Variants in CTSH observed in about 807,000 individuals in gnomAD.
CTSH encodes cathepsin H.
CTSH carries 52 observed loss-of-function variants against 56.3 expected under a neutral mutation model. The ratio of observed to expected loss-of-function variants is 0.92; its 90% confidence interval spans 0.74 to 1.16. The LOEUF is 1.16. CTSH is among the 50% of genes most tolerant of loss of function. The pLI is 0.00. For synonymous variants in CTSH, 174 were observed against 155.7 expected (o/e 1.12, Z -0.88); for missense variants, 406 against 424.5 (o/e 0.96, Z 0.38).
At chr15:78,937,831 C>T in intron 2 of CTSH, 1 of 1,285,146 alleles carries the variant, frequency 7.8e-7, no homozygotes, top group Non-Finnish European at 1.0e-6. Context: ...TTTCTAAAAA[C>T]AAATGTGTAT....
chr15:78,924,988 G>A (rs567002568), intron 10 of CTSH, among the ~76,000 whole-genome samples: 5 of 151,098 alleles, frequency 3.3e-5, no homozygotes, highest in South Asian at 2.1e-4. Flanking sequence ...GAGCCACCAC[G>A]CCTGGCCTGA....
At chr15:78,923,745 T>C (rs778847277) in intron 10 of CTSH, among the ~76,000 whole-genome samples, 41 of 152,344 alleles carry the variant, frequency 2.7e-4, no homozygotes, top group Non-Finnish European at 5.3e-4. Flanking sequence ...TGGCAGACTT[T>C]AACACAGCTT....
chr15:78,924,024 C>G (rs958179582), intron 10 of CTSH, among the ~76,000 whole-genome samples: 1 of 147,008 alleles, frequency 6.8e-6, no homozygotes, highest in Non-Finnish European at 1.5e-5. Flanking sequence ...GGCTGCTTCT[C>G]TACAGTGGCC....
intron 8 of CTSH, among the ~76,000 whole-genome samples, chr15:78,928,910 G>A (rs2054982662): frequency 6.6e-6 from 1 of 152,158 alleles, no homozygotes; most frequent in Non-Finnish European, 1.5e-5. Flanking sequence ...TCATCACCAC[G>A]AGGGGAAATA....
chr15:78,937,773 C>T (rs1483714359), intron 2 of CTSH: 1 of 1,308,868 alleles, frequency 7.6e-7, no homozygotes, highest in Admixed American at 2.3e-5. Context: ...AGCACATGCA[C>T]TGGTGTTCCC....
chr15:78,936,126 C>G (rs1464824503), intron 3 of CTSH, among the ~76,000 whole-genome samples: 1 of 151,376 alleles, frequency 6.6e-6, no homozygotes, highest in East Asian at 1.9e-4. Context: ...CTAATTTGGT[C>G]TCTACACAGC....
intron 7 of CTSH, among the ~76,000 whole-genome samples, chr15:78,931,036 C>T (rs932313540): frequency 5.9e-5 from 9 of 152,278 alleles, no homozygotes; most frequent in Admixed American, 2.0e-4. Flanking sequence ...CCTCACAGGG[C>T]GCAATGAGCT....
chr15:78,927,567 GACTGAGA>G, intron 9 of CTSH, 139 bp downstream of exon 9: 1 of 692,694 alleles, frequency 1.4e-6, no homozygotes, highest in Non-Finnish European at 2.5e-6. Context: ...CCATCACAGC[GACTGAGA>G]CCCAGGGATA....
intron 10 of CTSH, among the ~76,000 whole-genome samples, chr15:78,923,785 T>C (rs1482815902): frequency 6.6e-6 from 1 of 152,222 alleles, no homozygotes; most frequent in African/African-American, 2.4e-5. Flanking sequence ...TTATTAAATA[T>C]TACTTTATAC....
At chr15:78,925,706 C>T (rs549150691) in intron 9 of CTSH, 1 of 376,240 alleles carries the variant, frequency 2.7e-6, no homozygotes, top group Non-Finnish European at 5.1e-6. Context: ...CTCATTCAGT[C>T]ATTCACATCC....
intron 9 of CTSH, 39 bp from the exon 10 acceptor site, chr15:78,925,479 C>T: frequency 7.5e-7 from 1 of 1,335,820 alleles, no homozygotes; most frequent in East Asian, 2.3e-5. Context: ...CATGGCCTGT[C>T]ACCTCCCCAC....
chr15:78,922,941 C>G (rs2054805273), intron 11 of CTSH, 52 bp downstream of exon 11: 2 of 1,573,524 alleles, frequency 1.3e-6, no homozygotes, highest in South Asian at 2.4e-5. Context: ...CCCAGGGCCT[C>G]CAGGCCTGAG....
chr15:78,932,217 G>A (rs2055076620), intron 6 of CTSH, among the ~76,000 whole-genome samples, 155 bp downstream of exon 6: 1 of 152,168 alleles, frequency 6.6e-6, no homozygotes, highest in Non-Finnish European at 1.5e-5. Context: ...AGCATCAATT[G>A]AGATTCTCAT....
At chr15:78,930,404 G>A (rs985301285) in intron 7 of CTSH, among the ~76,000 whole-genome samples, 2 of 152,174 alleles carry the variant, frequency 1.3e-5, no homozygotes, top group Non-Finnish European at 2.9e-5. Flanking sequence ...GCGCACGCCT[G>A]TAATCCCAGC....
chr15:78,928,085 G>A (rs113359904), intron 8 of CTSH, among the ~76,000 whole-genome samples: 80 of 152,308 alleles, frequency 5.3e-4, no homozygotes, highest in African/African-American at 1.9e-3. Flanking sequence ...GTGAGGCAGG[G>A]GAGTGGGGAC....
At chr15:78,927,847 T>C (rs2054947053) in intron 8 of CTSH, 66 bp from the exon 9 acceptor site, 1 of 1,309,442 alleles carries the variant, frequency 7.6e-7, no homozygotes, top group Non-Finnish European at 1.1e-6. Context: ...CCCCACGCAG[T>C]TCAATAACAT....
At chr15:78,941,559 G>A (rs1024775439) in intron 1 of CTSH, among the ~76,000 whole-genome samples, 2 of 151,996 alleles carry the variant, frequency 1.3e-5, no homozygotes, top group Admixed American at 6.6e-5. Flanking sequence ...TTGAGAGGCT[G>A]AGACGGGCGG....
chr15:78,922,175 CAT>C lies in CTSH; in HGVS notation c.961_962del (p.Met321ValfsTer89), dbSNP rs774958830. The C allele has an allele frequency of 7.6e-6, 12 of 1,583,474 alleles. No homozygotes were observed. Among genetic ancestry groups the C allele is most frequent in the African/African-American group, 2.7e-5 (2 of 74,492 alleles). ...GYFLIERGKNMCGLAACASYP... is the reference protein window; with the variant it reads ...GYFLIERGKNXCGLAACASYP... ...AGGAGGCGCAGGCAGCCAGGCCACA[CAT>C]GTTCTTTCCGCGCTCGATGAGGAAG... On this transcript the variant is annotated frameshift_variant, in exon 12 of 12. Coordinates refer to ENST00000220166, the MANE Select transcript of CTSH (RefSeq NM_004390.5). LOFTEE classifies it high-confidence loss of function.
At chr15:78,941,177 A>G (rs1306070628) in intron 1 of CTSH, among the ~76,000 whole-genome samples, 2 of 152,084 alleles carry the variant, frequency 1.3e-5, no homozygotes, top group African/African-American at 4.8e-5. Context: ...CTGTAATCCC[A>G]GCACTTTGGG....
Sources: gnomAD v4.1 joint callset for allele counts (sites outside exome capture counted in the v4.1 genomes callset) on GRCh38, gnomAD v4.1.1 for gene constraint, MANE v1.5 for transcripts, NCBI Gene and HGNC (gene_info 2026-07-23, HGNC 2026-07-21) for gene names.